Variants in TRPC4 observed in about 807,000 individuals in gnomAD.
TRPC4 encodes the protein short transient receptor potential channel 4.
TRPC4 carries 49 observed loss-of-function variants against 99.4 expected under a neutral mutation model. The observed-to-expected ratio is 0.49, with a 90% confidence interval of 0.39 to 0.63. The LOEUF is 0.63. Among genes scored for constraint, TRPC4 ranks in the 20% least tolerant of loss-of-function variants. TRPC4 has a pLI of 0.00. For synonymous variants in TRPC4, 454 were observed against 425.9 expected (o/e 1.07, Z -0.81); for missense variants, 898 against 1,152.9 (o/e 0.78, Z 3.20).
chr13:37,767,351 TA>T (rs1436032177), intron 2 of TRPC4, among the ~76,000 whole-genome samples: 4 of 151,216 alleles, frequency 2.6e-5, no homozygotes, highest in African/African-American at 9.7e-5. Context: ...TATATATATA[TA>T]TATCTATATA....
At chr13:37,682,383 G>T (rs1953279129) in intron 4 of TRPC4, among the ~76,000 whole-genome samples, 1 of 152,150 alleles carries the variant, frequency 6.6e-6, no homozygotes, top group Admixed American at 6.6e-5. Flanking sequence ...TATAAAAGTA[G>T]TCTCTCATCA....
chr13:37,709,830 A>G (rs1370559087), intron 3 of TRPC4, among the ~76,000 whole-genome samples: 1 of 152,056 alleles, frequency 6.6e-6, no homozygotes, highest in Non-Finnish European at 1.5e-5. Flanking sequence ...AATTTCTGGT[A>G]CAAGGAATAT....
At chr13:37,681,917 T>C (rs1297407273) in intron 4 of TRPC4, among the ~76,000 whole-genome samples, 3 of 152,174 alleles carry the variant, frequency 2.0e-5, no homozygotes, top group South Asian at 2.1e-4. Flanking sequence ...TTTAAAAATA[T>C]TTGTAGATGT....
Position 37,707,654 on chromosome 13 carries a change from G to A in TRPC4, c.898-15319C>T, listed in dbSNP as rs186509411. Among the ~76,000 whole-genome samples the A allele has an allele frequency of 1.8e-3, 271 of 152,080 alleles. 2 individuals carry two copies. In the South Asian group the frequency reaches 0.023, roughly 13 times the overall value. On this transcript the variant is annotated intron_variant, in intron 3 of 10. Transcript: ENST00000379705. The stretch of plus-strand genomic sequence containing the variant: ...CCTTCCTACCACCACCATAACTACT[G>A]CAATATGATTCAGGCAGTCCTATAG...
In TRPC4 at chr13:37,692,228, T is replaced by G. The variant is rs1268236365; in HGVS notation, c.1005A>C (p.Ile335=). 2 of 1,614,044 alleles carry G rather than the reference T, an allele frequency of 1.2e-6. No individual in the cohort carries two copies. The highest frequency in any genetic ancestry group is 1.7e-6 in the Non-Finnish European group (2 of 1,180,028). Residue 335 remains isoleucine (I), a synonymous_variant, in exon 4 of 11, where the codon ATA becomes ATC. Transcript: ENST00000379705. ...AGAAGACAGGAAAAAGAAGTCCTATTATGAAACATGTCACCATCTTCACTG... is the reference window on the plus strand; with the variant it reads ...AGAAGACAGGAAAAAGAAGTCCTATGATGAAACATGTCACCATCTTCACTG... The part of the protein sequence containing the change: ...HWAVKMVTCF[I]IGLLFPVFSV...
intron 4 of TRPC4, among the ~76,000 whole-genome samples, chr13:37,687,582 A>G (rs1953528152): frequency 6.6e-6 from 1 of 152,226 alleles, no homozygotes; most frequent in African/African-American, 2.4e-5. Context: ...CTCATAATGC[A>G]CATTACACAT....
chr13:37,761,714 C>T (rs1956225477), intron 2 of TRPC4, among the ~76,000 whole-genome samples: 1 of 151,732 alleles, frequency 6.6e-6, no homozygotes, highest in African/African-American at 2.4e-5. Context: ...TGTGACAGTA[C>T]TAGGATTGTT....
intron 2 of TRPC4, among the ~76,000 whole-genome samples, chr13:37,767,500 G>A (rs9285117): frequency 0.99 from 149,859 of 151,326 alleles, 74,223 homozygotes; most frequent in Middle Eastern, 1. Context: ...CTAACTTTTC[G>A]AGGTGTGGAA....
chr13:37,711,467 C>T (rs1036498537), intron 3 of TRPC4, among the ~76,000 whole-genome samples: 8 of 151,730 alleles, frequency 5.3e-5, no homozygotes, highest in Admixed American at 6.6e-5. Context: ...TCCATGATTC[C>T]AGTTTAAAGA....
intron 8 of TRPC4, among the ~76,000 whole-genome samples, chr13:37,649,601 G>T (rs538299501): frequency 6.6e-6 from 1 of 151,868 alleles, no homozygotes; most frequent in Admixed American, 6.6e-5. Context: ...GAGAGTGGTG[G>T]CAGGCGCCTG....
intron 3 of TRPC4, among the ~76,000 whole-genome samples, chr13:37,715,752 C>A (rs1322496926): frequency 6.6e-6 from 1 of 152,156 alleles, no homozygotes; most frequent in East Asian, 1.9e-4. Context: ...ACATCATAGG[C>A]TGTTTTGTCA....
At chr13:37,816,108 G>C (rs1353339245) in intron 1 of TRPC4, among the ~76,000 whole-genome samples, 1 of 134,748 alleles carries the variant, frequency 7.4e-6, no homozygotes, top group Non-Finnish European at 1.8e-5. Flanking sequence ...ATAAAACACT[G>C]TTAAGAGAGA....
At chr13:37,694,590 G>T (rs1253854542) in intron 3 of TRPC4, among the ~76,000 whole-genome samples, 1 of 152,132 alleles carries the variant, frequency 6.6e-6, no homozygotes, top group African/African-American at 2.4e-5. Flanking sequence ...TCATAGAAAA[G>T]TTGCCATTGC....
intron 1 of TRPC4, among the ~76,000 whole-genome samples, chr13:37,862,919 C>T (rs74543686): frequency 0.019 from 2,812 of 151,466 alleles, 37 homozygotes; most frequent in South Asian, 0.03. Context: ...ATATACATGA[C>T]GGTGGGCCCA....
chr13:37,680,534 T>G (rs1265603859), intron 4 of TRPC4, among the ~76,000 whole-genome samples: 1 of 152,146 alleles, frequency 6.6e-6, no homozygotes, highest in Non-Finnish European at 1.5e-5. Flanking sequence ...TTGTGACAAT[T>G]TTACCAAAAG....
intron 3 of TRPC4, among the ~76,000 whole-genome samples, chr13:37,739,862 C>T (rs991751654): frequency 9.9e-5 from 15 of 151,936 alleles, no homozygotes; most frequent in Non-Finnish European, 1.8e-4. Flanking sequence ...TATTTTTCCC[C>T]AAATTATATA....
At chr13:37,851,901 G>A (rs1959068473) in intron 1 of TRPC4, among the ~76,000 whole-genome samples, 1 of 152,184 alleles carries the variant, frequency 6.6e-6, no homozygotes, top group Admixed American at 6.5e-5. Flanking sequence ...AGTAAGCCTT[G>A]CTGGACTCAG....
At chr13:37,762,525 T>C (rs1462255941) in intron 2 of TRPC4, among the ~76,000 whole-genome samples, 3 of 151,592 alleles carry the variant, frequency 2.0e-5, no homozygotes, top group African/African-American at 4.8e-5. Flanking sequence ...CACCATGGAA[T>C]ACTATGCAGC....
intron 2 of TRPC4, 72 bp downstream of exon 2, chr13:37,782,884 A>G (rs1346329106): frequency 5.4e-6 from 7 of 1,302,112 alleles, no homozygotes; most frequent in East Asian, 5.3e-5. Flanking sequence ...TAAAAAAAAA[A>G]AAAGAAAGAA....
Sources: allele counts gnomAD v4.1 joint callset (sites outside exome capture counted in the v4.1 genomes callset), GRCh38; gene constraint gnomAD v4.1.1; transcripts MANE v1.5; gene names NCBI Gene and HGNC (gene_info 2026-07-23, HGNC 2026-07-21).